Variants in DACH2 observed in about 807,000 individuals in gnomAD.
DACH2 encodes dachshund homolog 2.
In DACH2, 17 loss-of-function variants were observed where a neutral mutation model predicts 35.8. That is an observed-to-expected ratio of 0.48 (90% CI 0.33 to 0.71). The LOEUF is 0.71. DACH2 is among the 30% of genes least tolerant of loss of function. The pLI is 0.02. For missense variants in DACH2, 469 were observed against 472.7 expected (o/e 0.99, Z 0.07); for synonymous variants, 195 against 177.3 (o/e 1.10, Z -0.79).
chrX:86,746,644 A>G (rs1269072796), intron 7 of DACH2, among the ~76,000 whole-genome samples: 1 of 111,634 alleles, frequency 9.0e-6, no homozygotes, highest in Non-Finnish European at 1.9e-5. Context: ...TTTAAGTTGT[A>G]GGAGTTCTTT....
intron 2 of DACH2, among the ~76,000 whole-genome samples, chrX:86,431,578 A>T (rs190687647): frequency 7.3e-4 from 82 of 111,743 alleles, no homozygotes; most frequent in African/African-American, 2.6e-3. Context: ...CTTTAAATGC[A>T]TGTGTCCGAA....
chrX:86,378,371 C>T (rs115269371), intron 2 of DACH2, among the ~76,000 whole-genome samples: 1,169 of 110,127 alleles, frequency 0.011, 13 homozygotes, highest in African/African-American at 0.037. Context: ...ACTCCAATCC[C>T]TACTGAGGCA....
chrX:86,335,991 C>G (rs373769138), intron 1 of DACH2, among the ~76,000 whole-genome samples: 1 of 111,961 alleles, frequency 8.9e-6, no homozygotes, highest in African/African-American at 3.2e-5. Flanking sequence ...GCTTTTTCTG[C>G]ATCTATTGAG....
intron 6 of DACH2, among the ~76,000 whole-genome samples, chrX:86,721,658 T>A (rs1486580868): frequency 2.7e-5 from 3 of 111,613 alleles, no homozygotes; most frequent in Admixed American, 9.5e-5. Flanking sequence ...TGCTTCCACA[T>A]GTTTGGGTAT....
At chrX:86,433,959 G>C (rs2037025941) in intron 2 of DACH2, among the ~76,000 whole-genome samples, 1 of 111,744 alleles carries the variant, frequency 8.9e-6, no homozygotes, top group Non-Finnish European at 1.9e-5. Context: ...ATGGTATGCA[G>C]TGTTCACAGA....
At chrX:86,572,816 C>G (rs2039388353) in intron 3 of DACH2, among the ~76,000 whole-genome samples, 1 of 111,240 alleles carries the variant, frequency 9.0e-6, no homozygotes, top group Admixed American at 9.7e-5. Flanking sequence ...ATTTTAAACT[C>G]TTATTACTAG....
intron 1 of DACH2, among the ~76,000 whole-genome samples, chrX:86,369,414 C>G (rs912499679): frequency 9.0e-6 from 1 of 110,826 alleles, no homozygotes; most frequent in Non-Finnish European, 1.9e-5. Context: ...AATGGACTTT[C>G]AAATCGGTAA....
intron 2 of DACH2, among the ~76,000 whole-genome samples, chrX:86,416,991 G>A (rs1215379842): frequency 9.8e-6 from 1 of 101,588 alleles, no homozygotes; most frequent in Non-Finnish European, 2.0e-5. Context: ...CTACTCAGGA[G>A]TCTGAAGCAG....
At chrX:86,225,755 TAAAG>T (rs1286156833) in intron 1 of DACH2, among the ~76,000 whole-genome samples, 1 of 110,802 alleles carries the variant, frequency 9.0e-6, no homozygotes, top group Non-Finnish European at 1.9e-5. Context: ...TAAAATGAGT[TAAAG>T]AACATGAAGT....
chrX:86,205,370 T>C lies in DACH2; in HGVS notation c.488+56262T>C, dbSNP rs1307368161. Among the ~76,000 whole-genome samples, 5 of 106,843 alleles carry C rather than the reference T, an allele frequency of 4.7e-5. No individual in the cohort carries two copies. The East Asian group carries it at 1.2e-3, about 26-fold the overall frequency. 92.8% of individuals were successfully genotyped at this position (106,843 alleles called of 115,157 possible). A position where few individuals can be genotyped will look rare whatever the true frequency, so the allele number is the denominator to read the frequency against. On this transcript the variant is annotated intron_variant, in intron 1 of 11. Coordinates refer to ENST00000373125, the MANE Select transcript of DACH2 (RefSeq NM_053281.3). ...ATTTTCAAATAAGCCTGAGAAACAC[T>C]GGGTTGAGTTCTTTCCTTCCTTCCT...
At chrX:86,528,153 T>G (rs962457299) in intron 3 of DACH2, among the ~76,000 whole-genome samples, 1 of 111,330 alleles carries the variant, frequency 9.0e-6, no homozygotes, top group Non-Finnish European at 1.9e-5. Context: ...GAGAGGAGCA[T>G]AGAGAAAGTG....
chrX:86,780,047 A>T (rs1364909574), intron 7 of DACH2, among the ~76,000 whole-genome samples: 6 of 110,213 alleles, frequency 5.4e-5, no homozygotes, highest in African/African-American at 2.0e-4. Flanking sequence ...GGGTTAGACC[A>T]CACAGCCCAG....
intron 11 of DACH2, among the ~76,000 whole-genome samples, chrX:86,817,773 T>C (rs2042467665): frequency 1.8e-5 from 2 of 112,042 alleles, no homozygotes; most frequent in Non-Finnish European, 3.8e-5. Flanking sequence ...AATTAGGAGA[T>C]ATAAGCAAAA....
chrX:86,444,762 AT>A (rs1186953623), intron 2 of DACH2, among the ~76,000 whole-genome samples: 2 of 109,489 alleles, frequency 1.8e-5, no homozygotes, highest in Non-Finnish European at 3.8e-5. Flanking sequence ...GTGCTCTTTT[AT>A]TTTTTATTTA....
chrX:86,641,733 C>A (rs760137223), intron 3 of DACH2, among the ~76,000 whole-genome samples: 1 of 111,874 alleles, frequency 8.9e-6, no homozygotes, highest in African/African-American at 3.2e-5. Flanking sequence ...AAAGGGATTC[C>A]CATCAGGCTA....
At chrX:86,476,481 A>G (rs1277021546) in intron 2 of DACH2, among the ~76,000 whole-genome samples, 2 of 111,514 alleles carry the variant, frequency 1.8e-5, no homozygotes, top group Non-Finnish European at 3.8e-5. Context: ...CTTCTGCAGT[A>G]CCAGTTGTAA....
At chrX:86,618,803 G>T (rs1422333438) in intron 3 of DACH2, among the ~76,000 whole-genome samples, 1 of 111,511 alleles carries the variant, frequency 9.0e-6, no homozygotes, top group Non-Finnish European at 1.9e-5. Flanking sequence ...TTCTACTGTG[G>T]TTACTTAAAA....
chrX:86,266,948 GA>G (rs1358462494), intron 1 of DACH2, among the ~76,000 whole-genome samples: 1 of 111,743 alleles, frequency 8.9e-6, no homozygotes, highest in Non-Finnish European at 1.9e-5. Flanking sequence ...CAGATGGTCT[GA>G]AATCATCATA....
chrX:86,687,633 G>A (rs1036677224), intron 4 of DACH2, among the ~76,000 whole-genome samples: 3 of 111,344 alleles, frequency 2.7e-5, no homozygotes, highest in Non-Finnish European at 5.6e-5. Flanking sequence ...CAAAGACTTG[G>A]AACCAGTCCA....
Sources: allele counts gnomAD v4.1 joint callset (sites outside exome capture counted in the v4.1 genomes callset), GRCh38; gene constraint gnomAD v4.1.1; transcripts MANE v1.5; gene names NCBI Gene and HGNC (gene_info 2026-07-23, HGNC 2026-07-21).